The following KIF1B variants were observed in gnomAD, a reference collection of about 807,000 sequenced individuals.
The protein encoded by KIF1B is kinesin-like protein KIF1B.
In KIF1B, 76 loss-of-function variants were observed where a neutral mutation model predicts 241.9. That is an observed-to-expected ratio of 0.31 (90% CI 0.26 to 0.38). The LOEUF (loss-of-function observed/expected upper bound fraction) is 0.38, where lower values mean the gene tolerates loss of function less well. KIF1B is among the 10% of genes least tolerant of loss of function. KIF1B has a pLI of 1.00. For missense variants in KIF1B, 1,622 were observed against 2,271.4 expected (o/e 0.71, Z 5.81); for synonymous variants, 750 against 796.7 (o/e 0.94, Z 0.99).
intron 15 of KIF1B, among the ~76,000 whole-genome samples, chr1:10,283,476 C>T (rs1649535366): frequency 6.6e-6 from 1 of 152,142 alleles, no homozygotes; most frequent in African/African-American, 2.4e-5. Flanking sequence ...CTGTCAGGTT[C>T]GATCTTATCT....
In KIF1B at chr1:10,374,007, A is replaced by G. The variant is rs1179439988; in HGVS notation, c.4947-309A>G. Reference sequence around the variant, plus strand: ...TGGCCATGGGACTAAAAAGAAACATATAAAGGAGTAGAGTTCCTATTCCAG... The same window carrying G: ...TGGCCATGGGACTAAAAAGAAACATGTAAAGGAGTAGAGTTCCTATTCCAG... On this transcript the variant is annotated intron_variant, in intron 45 of 48. Transcript: ENST00000676179. This position sits in a 1 kb window ranked among gnomAD's most constrained non-coding sequence, Gnocchi z 4.3. Among the ~76,000 whole-genome samples, 1 of 152,264 alleles carries G rather than the reference A, an allele frequency of 6.6e-6. No individual in the cohort carries two copies. The highest frequency in any genetic ancestry group is 1.5e-5 in the Non-Finnish European group (1 of 68,050).
chr1:10,324,157 A>G (rs1651631885), intron 25 of KIF1B, 95 bp downstream of exon 25: 1 of 1,160,210 alleles, frequency 8.6e-7, no homozygotes, highest in South Asian at 1.2e-5. Context: ...CTCTGAGGAC[A>G]CTGTTGCTTA....
At chr1:10,234,920 C>G (rs1052036695) in intron 2 of KIF1B, among the ~76,000 whole-genome samples, 4 of 150,838 alleles carry the variant, frequency 2.7e-5, no homozygotes, top group Non-Finnish European at 5.9e-5. Flanking sequence ...GAGTCTTGCT[C>G]TGTCACCCAG....
chr1:10,306,713 A>G, intron 22 of KIF1B: 2 of 873,900 alleles, frequency 2.3e-6, no homozygotes, highest in Non-Finnish European at 2.8e-6. Flanking sequence ...GCCTATGAAT[A>G]GCCAGTGCAC....
At chr1:10,216,384 C>T (rs930530580) in intron 1 of KIF1B, among the ~76,000 whole-genome samples, 2 of 152,158 alleles carry the variant, frequency 1.3e-5, no homozygotes, top group South Asian at 2.1e-4. Context: ...TCTCCTAAAC[C>T]GTCGGCCTCT....
chr1:10,259,267 C>T (rs1296765058), intron 4 of KIF1B, among the ~76,000 whole-genome samples: 1 of 150,544 alleles, frequency 6.6e-6, no homozygotes, highest in Non-Finnish European at 1.5e-5. Flanking sequence ...TTATTCGTTT[C>T]ACTTAGGATT....
chr1:10,250,332 A>G (rs1647367446), intron 2 of KIF1B, among the ~76,000 whole-genome samples: 1 of 148,358 alleles, frequency 6.7e-6, no homozygotes, highest in South Asian at 2.1e-4. Flanking sequence ...TAAATACAGT[A>G]TTTCTTAACT....
intron 12 of KIF1B, 115 bp from the exon 13 acceptor site, chr1:10,277,868 TATC>T: frequency 1.1e-6 from 1 of 887,656 alleles, no homozygotes; most frequent in South Asian, 1.5e-5. Context: ...AATGTATTAT[TATC>T]AAGGCTCATA....
rs2102213262 is a variant in KIF1B at position 10,271,558 on chromosome 1, T to C, written c.777T>C (p.Gly259=). ...LAGSERADST[G]AKGTRLKEGA... is the part of the protein sequence containing the mutation. ...GAAGTGAACGAGCTGATTCAACTGG[T>C]GCCAAAGGGACTCGATTAAAGGTAT... The change falls in exon 8 of 49, where the codon GGT becomes GGC. Residue 259 remains glycine (G), a synonymous_variant. Coordinates refer to ENST00000676179, the MANE Select transcript of KIF1B (RefSeq NM_001365951.3). 1 of 1,613,630 alleles carries C rather than the reference T, an allele frequency of 6.2e-7. No homozygotes were observed. Among genetic ancestry groups the C allele is most frequent in the Non-Finnish European group, 8.5e-7 (1 of 1,179,514 alleles).
At chr1:10,252,396 T>C (rs948042838) in intron 2 of KIF1B, among the ~76,000 whole-genome samples, 1 of 151,624 alleles carries the variant, frequency 6.6e-6, no homozygotes, top group East Asian at 1.9e-4. Context: ...TTTGTTGTTG[T>C]TGTTGTTGTT....
chr1:10,289,380 C>G (rs1649873162), intron 15 of KIF1B, among the ~76,000 whole-genome samples: 1 of 152,168 alleles, frequency 6.6e-6, no homozygotes. Context: ...ACTCCAGGTA[C>G]TTTCCCACTC....
At chr1:10,294,108 CTTCT>C (rs1650143308) in intron 17 of KIF1B, among the ~76,000 whole-genome samples, 1 of 152,172 alleles carries the variant, frequency 6.6e-6, no homozygotes, top group Admixed American at 6.5e-5. Flanking sequence ...TCATCTGACT[CTTCT>C]TTCATTCTTC....
intron 37 of KIF1B, 52 bp from the exon 38 acceptor site, chr1:10,352,579 T>C (rs372068137): frequency 6.9e-7 from 1 of 1,444,310 alleles, no homozygotes; most frequent in African/African-American, 1.4e-5. Flanking sequence ...AATGAATTCA[T>C]GTTTTGTTTT....
chr1:10,327,425 C>T (rs565853530), intron 27 of KIF1B, among the ~76,000 whole-genome samples: 68 of 149,782 alleles, frequency 4.5e-4, no homozygotes, highest in Admixed American at 3.6e-3. Flanking sequence ...CACTTGAACC[C>T]GGAAGGCAGA....
chr1:10,333,668 G>GGAGGCAGAGCTTGCA (rs1489683632), intron 27 of KIF1B, among the ~76,000 whole-genome samples: 2 of 151,964 alleles, frequency 1.3e-5, no homozygotes, highest in East Asian at 3.9e-4. Context: ...TTCCAGCCTG[G>GGAGGCAGAGCTTGCA]GTGACAGAGT....
chr1:10,236,507 T>G (rs574822306), intron 2 of KIF1B, among the ~76,000 whole-genome samples: 1 of 152,368 alleles, frequency 6.6e-6, no homozygotes, highest in South Asian at 2.1e-4. Flanking sequence ...CTCAGTAGGT[T>G]AATCAGCCTT....
chr1:10,223,036 G>A (rs144581813), intron 1 of KIF1B, among the ~76,000 whole-genome samples: 1 of 152,106 alleles, frequency 6.6e-6, no homozygotes, highest in Non-Finnish European at 1.5e-5. Context: ...GGCGGGTCAC[G>A]AGGTCAGGAG....
At chr1:10,256,771 G>A (rs1647810346) in intron 3 of KIF1B, among the ~76,000 whole-genome samples, 1 of 151,508 alleles carries the variant, frequency 6.6e-6, no homozygotes, top group Non-Finnish European at 1.5e-5. Context: ...GAGTACAGTG[G>A]TGCCATCTTG....
intron 45 of KIF1B, among the ~76,000 whole-genome samples, chr1:10,372,664 CTGT>C (rs1221253556): frequency 8.2e-6 from 1 of 122,358 alleles, no homozygotes; most frequent in Non-Finnish European, 1.7e-5. Flanking sequence ...GGTGACAGAG[CTGT>C]CACCCAAGCT....
Sources: allele counts gnomAD v4.1 joint callset (sites outside exome capture counted in the v4.1 genomes callset), GRCh38; gene constraint gnomAD v4.1.1; non-coding constraint Gnocchi (gnomAD v3.1); transcripts MANE v1.5; gene names NCBI Gene and HGNC (gene_info 2026-07-23, HGNC 2026-07-21).